EVC: variants seen among roughly 807,000 people sequenced by gnomAD.
EVC encodes the protein evC complex member EVC.
In EVC, 116 loss-of-function variants were observed where a neutral mutation model predicts 118.9. That is an observed-to-expected ratio of 0.98 (90% CI 0.84 to 1.14). EVC has a LOEUF of 1.14. Ranked by LOEUF, EVC falls within the 50% of genes most tolerant of loss-of-function variation. The pLI, the probability that EVC is intolerant of heterozygous loss-of-function variation, is 0.00. For missense variants in EVC, 1,401 were observed against 1,246.4 expected (o/e 1.12, Z -1.87); for synonymous variants, 619 against 534.7 (o/e 1.16, Z -2.18).
intron 2 of EVC, among the ~76,000 whole-genome samples, chr4:5,724,284 G>A (rs1026578816): frequency 1.8e-4 from 28 of 152,358 alleles, no homozygotes; most frequent in African/African-American, 6.7e-4. Flanking sequence ...CCATGGATTC[G>A]AGAGAGATGT....
rs546149438 is a variant in EVC at position 5,754,282 on chromosome 4, G to A, written c.1464+349G>A. Among the ~76,000 whole-genome samples, 3 of 152,254 alleles carry A rather than the reference G, an allele frequency of 2.0e-5. No individual in the cohort carries two copies. The highest frequency in any genetic ancestry group is 6.5e-5 in the Admixed American group (1 of 15,308). ...GGCCCAGAGGGGACAAGCATGTCCC[G>A]GAGAGTAAGGCAGGCTCACACACCC... On this transcript the variant is annotated intron_variant, in intron 10 of 20. Transcript: ENST00000264956. This position sits in a 1 kb window ranked among gnomAD's most constrained non-coding sequence, Gnocchi z 5.8.
the EVC span, chr4:5,825,932 A>T: frequency 2.1e-6 from 1 of 484,826 alleles, no homozygotes; most frequent in Non-Finnish European, 3.6e-6. The surrounding 1 kb of genome is among the most constrained non-coding windows in gnomAD (Gnocchi z 4.4). Flanking sequence ...ACTCACATAC[A>T]TGCAGTCATG....
downstream of EVC, among the ~76,000 whole-genome samples, chr4:5,815,775 G>C (rs950898586): frequency 2.6e-5 from 4 of 152,144 alleles, no homozygotes; most frequent in African/African-American, 9.7e-5. Context: ...GTAATCATTT[G>C]ATTCGCACCT....
intron 17 of EVC, among the ~76,000 whole-genome samples, chr4:5,806,703 C>A (rs1484317953): frequency 6.6e-6 from 1 of 152,132 alleles, no homozygotes; most frequent in African/African-American, 2.4e-5. Context: ...TGGGTAGATA[C>A]CCAGTAGTGG....
chr4:5,771,414 T>C (rs1733934429), intron 11 of EVC, among the ~76,000 whole-genome samples: 1 of 152,160 alleles, frequency 6.6e-6, no homozygotes, highest in Non-Finnish European at 1.5e-5. Flanking sequence ...AACCCTGTGA[T>C]GACATTGGAG....
At chr4:5,728,977 C>T (rs777705198) in intron 2 of EVC, among the ~76,000 whole-genome samples, 23 of 152,104 alleles carry the variant, frequency 1.5e-4, no homozygotes, top group Non-Finnish European at 2.9e-4. Flanking sequence ...TCTATCTCTC[C>T]ACCTTTTCAT....
At chr4:5,720,289 C>A (rs893316897) in intron 2 of EVC, among the ~76,000 whole-genome samples, 1 of 152,172 alleles carries the variant, frequency 6.6e-6, no homozygotes, top group Non-Finnish European at 1.5e-5. Context: ...TGAATGATCT[C>A]GTGCCCTTCT....
chr4:5,819,367 T>G, the EVC span, among the ~76,000 whole-genome samples: 1 of 152,170 alleles, frequency 6.6e-6, no homozygotes, highest in Admixed American at 6.5e-5. Context: ...AAACTCTCTC[T>G]CCCTCCTCCC....
Position 5,731,669 on chromosome 4 carries a change from G to T in EVC, c.617+12G>T, listed in dbSNP as rs774536837. 1 of 1,609,430 alleles carries T rather than the reference G, an allele frequency of 6.2e-7. No individual in the cohort carries two copies. Among genetic ancestry groups the T allele is most frequent in the African/African-American group, 1.3e-5 (1 of 74,866 alleles). ...CTGGCCTGCGAGAGGTAAGGAGAGCGGGCAATGGAGGATGAGGCTTCCAGT... is the reference window on the plus strand; with the variant it reads ...CTGGCCTGCGAGAGGTAAGGAGAGCTGGCAATGGAGGATGAGGCTTCCAGT... On this transcript the variant is annotated intron_variant, in intron 4 of 20. Coordinates refer to ENST00000264956, the MANE Select transcript of EVC (RefSeq NM_153717.3). This position sits in a 1 kb window ranked among gnomAD's most constrained non-coding sequence, Gnocchi z 5.6.
chr4:5,786,001 A>G (rs1339999718), intron 12 of EVC, among the ~76,000 whole-genome samples: 1 of 152,070 alleles, frequency 6.6e-6, no homozygotes, highest in Middle Eastern at 3.2e-3. Context: ...TTTAGAGACC[A>G]TTGTGGTTTT....
chr4:5,822,493 A>AG, the EVC span, among the ~76,000 whole-genome samples: 1,340 of 134,074 alleles, frequency 1.0e-2, 14 homozygotes, highest in South Asian at 0.042. Flanking sequence ...GTGGATCTGA[A>AG]GGGGGGGGGG....
At chr4:5,817,181 G>C (rs1717841111), downstream of EVC, among the ~76,000 whole-genome samples, 1 of 152,222 alleles carries the variant, frequency 6.6e-6, no homozygotes, top group Admixed American at 6.5e-5. Context: ...GAGTCATGGA[G>C]GTCCTGGTCG....
intron 15 of EVC, among the ~76,000 whole-genome samples, chr4:5,801,271 T>C (rs976199534): frequency 5.9e-5 from 9 of 152,238 alleles, no homozygotes; most frequent in Admixed American, 2.0e-4. Flanking sequence ...TGTTAATTTG[T>C]TGCTTCATAG....
At chr4:5,751,440 C>T (rs937936263) in intron 8 of EVC, among the ~76,000 whole-genome samples, 1 of 152,248 alleles carries the variant, frequency 6.6e-6, no homozygotes, top group Non-Finnish European at 1.5e-5. Context: ...TGGCCAGAGC[C>T]GCCCTTCCCG....
chr4:5,735,506 T>C, intron 5 of EVC, among the ~76,000 whole-genome samples: 1 of 152,216 alleles, frequency 6.6e-6, no homozygotes, highest in Non-Finnish European at 1.5e-5. Context: ...CTGCCCTGCT[T>C]TGAGAGGGTT....
rs1728675932 is a variant in EVC, at chr4:5,742,049, A to G, written c.801+235A>G. Among the ~76,000 whole-genome samples the G allele has an allele frequency of 1.3e-5, 2 of 152,236 alleles. No individual in the cohort carries two copies. Among genetic ancestry groups the G allele is most frequent in the African/African-American group, 4.8e-5 (2 of 41,464 alleles). On this transcript the variant is annotated intron_variant, in intron 6 of 20. Transcript: ENST00000264956. The surrounding 1 kb of genome is among the most constrained non-coding windows in gnomAD (Gnocchi z 5.2). The stretch of plus-strand genomic sequence containing the variant: ...ATAATATTGGTCATATCTACTACTC[A>G]AAGACGGTCACTGTTAATGTTTTTT...
At chr4:5,803,336 C>A (rs1015570077) in intron 16 of EVC, among the ~76,000 whole-genome samples, 1 of 152,222 alleles carries the variant, frequency 6.6e-6, no homozygotes, top group Non-Finnish European at 1.5e-5. Context: ...CTGTCTTCCC[C>A]TTCTCCTGAA....
chr4:5,735,746 G>A (rs999428051), intron 5 of EVC, among the ~76,000 whole-genome samples: 1 of 151,730 alleles, frequency 6.6e-6, no homozygotes, highest in African/African-American at 2.4e-5. Context: ...AGGTCTGTGT[G>A]AGTGAAAGGC....
intron 12 of EVC, among the ~76,000 whole-genome samples, chr4:5,785,613 C>T (rs1454703508): frequency 3.9e-5 from 6 of 152,188 alleles, no homozygotes; most frequent in Non-Finnish European, 1.5e-5. Context: ...CAGTGGCATC[C>T]GGTTGCCCTG....
Sources: gnomAD v4.1 joint callset for allele counts (sites outside exome capture counted in the v4.1 genomes callset) on GRCh38, gnomAD v4.1.1 for gene constraint, Gnocchi (gnomAD v3.1) non-coding constraint, MANE v1.5 for transcripts, NCBI Gene and HGNC (gene_info 2026-07-23, HGNC 2026-07-21) for gene names.